Variants in CARD9 observed in about 807,000 individuals in gnomAD.
The protein encoded by CARD9 is caspase recruitment domain family member 9.
A neutral mutation model predicts 66.0 loss-of-function variants in CARD9; 53 were observed. The observed-to-expected ratio is 0.80, with a 90% CI of 0.64 to 1.01. CARD9 has a LOEUF of 1.01. Ranked by LOEUF, CARD9 falls within the 50% of genes least tolerant of loss-of-function variation. The pLI, the probability that CARD9 is intolerant of heterozygous loss-of-function variation, is 0.00. For missense variants in CARD9, 769 were observed against 743.2 expected (o/e 1.03, Z -0.40); for synonymous variants, 387 against 313.8 (o/e 1.23, Z -2.47).
intron 7 of CARD9, among the ~76,000 whole-genome samples, chr9:136,368,225 G>A (rs768213919): frequency 1.3e-5 from 2 of 152,244 alleles, no homozygotes; most frequent in African/African-American, 2.4e-5. Flanking sequence ...ACGCAGGAGC[G>A]AATGTGCAAA....
chr9:136,369,635 T>A (rs1218172204), intron 7 of CARD9, 115 bp downstream of exon 7: 12 of 1,518,546 alleles, frequency 7.9e-6, no homozygotes, highest in Non-Finnish European at 1.1e-5. Flanking sequence ...CAAGACCCCA[T>A]CTCAAAAACA....
At chr9:136,367,307 C>A in intron 8 of CARD9, 50 bp from the exon 9 acceptor site, 1 of 1,596,912 alleles carries the variant, frequency 6.3e-7, no homozygotes. Flanking sequence ...AGAGGGCTCC[C>A]CAGGCACAGG....
chr9:136,369,462 T>C (rs1348663428), intron 7 of CARD9, among the ~76,000 whole-genome samples: 1 of 152,192 alleles, frequency 6.6e-6, no homozygotes, highest in Non-Finnish European at 1.5e-5. Context: ...TGGGGAAGTA[T>C]TGACTTCATC....
chr9:136,369,964 G>A, intron 6 of CARD9, 89 bp from the exon 7 acceptor site: 1 of 1,587,886 alleles, frequency 6.3e-7, no homozygotes, highest in South Asian at 1.1e-5. Flanking sequence ...TCAGAAGCAT[G>A]TGGTCAGGCC....
In CARD9 at chr9:136,365,199, C is replaced by T. The variant is rs1833093056; in HGVS notation, c.1376G>A (p.Gly459Glu). Reference sequence around the variant, plus strand: ...AGCTGCAAAGGGCTGTTTCGGGCTCCCCCCGCCGGCAAGGCAGCCTGGAAA... The same window carrying T: ...AGCTGCAAAGGGCTGTTTCGGGCTCTCCCCGCCGGCAAGGCAGCCTGGAAA... ...LSDKGCLAGG[G>E]SPKQPFAALH... Residue 459 changes from glycine to glutamate, a missense_variant, in exon 11 of 13, where the codon GGG (glycine) becomes GAG (glutamate). Transcript: ENST00000371732. 3.1e-6 allele frequency: 5 copies of T among 1,609,682 alleles called. No individual in the cohort carries two copies. The highest frequency in any genetic ancestry group is 1.3e-5 in the African/African-American group (1 of 75,012).
intron 3 of CARD9, 59 bp downstream of exon 3, chr9:136,371,265 A>G: frequency 6.4e-7 from 1 of 1,573,476 alleles, no homozygotes; most frequent in South Asian, 1.2e-5. Flanking sequence ...AGGACCCAAC[A>G]CCACTGCCCG....
intron 7 of CARD9, among the ~76,000 whole-genome samples, chr9:136,368,851 GCT>G (rs895671244): frequency 3.3e-4 from 50 of 150,854 alleles, no homozygotes; most frequent in African/African-American, 1.1e-3. Flanking sequence ...ACGGAGTCTC[GCT>G]CTGTCACCCA....
In CARD9 at chr9:136,367,205, G is replaced by A. The variant is rs1027507586; in HGVS notation, c.1311+11C>T. On this transcript the variant is annotated intron_variant, in intron 9 of 12. Coordinates refer to ENST00000371732, the MANE Select transcript of CARD9 (RefSeq NM_052813.5). ...GAAGGCCAGCCTCGTGCTGGCTGGGGTCTCACTCACCTCCTGGGACCTCCT... is the reference window on the plus strand; with the variant it reads ...GAAGGCCAGCCTCGTGCTGGCTGGGATCTCACTCACCTCCTGGGACCTCCT... 1.9e-6 allele frequency: 3 copies of A among 1,611,916 alleles called. No homozygotes were observed. The highest frequency in any genetic ancestry group is 2.5e-6 in the Non-Finnish European group (3 of 1,179,528).
rs1376878268 is a variant in CARD9, at chr9:136,364,887, A to C, written c.1434+254T>G. 5.0e-6 allele frequency: 3 copies of C among 595,618 alleles called. No homozygotes were observed. In the African/African-American group the frequency reaches 5.6e-5, roughly 11 times the overall value. 36.9% of individuals were successfully genotyped at this position (595,618 alleles called of 1,614,324 possible). On this transcript the variant is annotated intron_variant, in intron 11 of 12. Transcript: ENST00000371732. ...GTGTTCACCTCCTCATCCACTGTAA[A>C]GGCCCTCGGAAAACCAGGACCAGGC...
Position 136,370,887 on chromosome 9 carries a change from T to C in CARD9, c.581A>G (p.Glu194Gly). 1 of 1,607,680 alleles carries C rather than the reference T, an allele frequency of 6.2e-7. No homozygotes were observed. The highest frequency in any genetic ancestry group is 1.7e-5 in the Admixed American group (1 of 59,816). Residue 194 changes from glutamate to glycine, a missense_variant, in exon 4 of 13, where the codon GAG (glutamate) becomes GGG (glycine). Glu to Gly is a moderately conservative substitution (Grantham distance 98). Transcript: ENST00000371732. ...DLAMRLAHQS[E>G]EKGAALMRNR... Reference sequence around the variant, plus strand: ...CCGCATGAGCGCGGCGCCCTTCTCCTCACTCTGGTGCGCCAGGCGCATGGC... The same window carrying C: ...CCGCATGAGCGCGGCGCCCTTCTCCCCACTCTGGTGCGCCAGGCGCATGGC...
intron 7 of CARD9, among the ~76,000 whole-genome samples, chr9:136,368,359 G>A (rs980002908): frequency 1.3e-5 from 2 of 152,226 alleles, no homozygotes; most frequent in African/African-American, 4.8e-5. Context: ...GGGAAGTCCC[G>A]TGGGAGCCCC....
chr9:136,364,989 C>T, intron 11 of CARD9, 152 bp downstream of exon 11: 1 of 699,634 alleles, frequency 1.4e-6, no homozygotes, highest in Non-Finnish European at 2.4e-6. Flanking sequence ...CCAGACACCG[C>T]ACCCCGAGCA....
rs374895476 is a variant in CARD9 at position 136,372,129 on chromosome 9, G to A, written c.-16-35C>T. The A allele has an allele frequency of 4.6e-5, 74 of 1,606,740 alleles. No individual in the cohort carries two copies. The African/African-American group carries it at 6.9e-4, about 15-fold the overall frequency. On this transcript the variant is annotated intron_variant, in intron 1 of 12. Coordinates refer to ENST00000371732, the MANE Select transcript of CARD9 (RefSeq NM_052813.5). ...GTGGGGCAGTGCTGAGAGCGATGCC[G>A]GCTCCTGCCCCCACCCGGGCCCAGC...
intron 7 of CARD9, among the ~76,000 whole-genome samples, chr9:136,369,436 T>C (rs1465100935): frequency 3.3e-5 from 5 of 152,232 alleles, no homozygotes; most frequent in Admixed American, 2.6e-4. Context: ...CGGTTTTCCC[T>C]GACAGTAGGC....
intron 6 of CARD9, 152 bp from the exon 7 acceptor site, chr9:136,370,027 C>A (rs1215440149): frequency 1.4e-5 from 20 of 1,464,080 alleles, no homozygotes; most frequent in Non-Finnish European, 1.8e-5. Context: ...ACCAGCCCTG[C>A]ACTTCCAGAC....
intron 1 of CARD9, among the ~76,000 whole-genome samples, chr9:136,372,540 G>T (rs1217587967): frequency 1.3e-5 from 2 of 152,218 alleles, no homozygotes. Flanking sequence ...GAGGGCAACT[G>T]CCTGGCACTA....
At chr9:136,371,182 C>T in intron 3 of CARD9, 37 bp from the exon 4 acceptor site, 1 of 1,607,858 alleles carries the variant, frequency 6.2e-7, no homozygotes, top group Non-Finnish European at 8.5e-7. Flanking sequence ...TGCCGTGTTC[C>T]CCGGTGGCCC....
chr9:136,368,862 C>G (rs1283917521), intron 7 of CARD9, among the ~76,000 whole-genome samples: 1 of 152,158 alleles, frequency 6.6e-6, no homozygotes, highest in East Asian at 1.9e-4. Context: ...CTCTGTCACC[C>G]AGGCTGGAGT....
rs989407851 is a variant in CARD9 at position 136,367,690 on chromosome 9, G to C, written c.1216C>G (p.Leu406Val). ...QLQVFQCEAQ[L>V]LAVEGRLRRQ... The stretch of plus-strand genomic sequence containing the variant: ...CTGAGCCTGCCCTCCACGGCCAGTA[G>C]CTGCGCCTCACACTGGAACACCTGC... The change falls in exon 8 of 13, where the codon CTA becomes GTA. Residue 406 changes from leucine (L) to valine (V), a missense_variant. By Grantham distance (32) the Leu-to-Val change is conservative. Transcript: ENST00000371732. 1 of 1,601,340 alleles carries C rather than the reference G, an allele frequency of 6.2e-7. No individual in the cohort carries two copies. Among genetic ancestry groups the C allele is most frequent in the Non-Finnish European group, 8.5e-7 (1 of 1,178,574 alleles).
Sources: allele counts gnomAD v4.1 joint callset (sites outside exome capture counted in the v4.1 genomes callset), GRCh38; gene constraint gnomAD v4.1.1; transcripts MANE v1.5; gene names NCBI Gene and HGNC (gene_info 2026-07-23, HGNC 2026-07-21).